The following RNF2 variants were observed in gnomAD, a reference collection of about 807,000 sequenced individuals.
RNF2 encodes the protein E3 ubiquitin-protein ligase RING2.
RNF2 carries 6 observed loss-of-function variants against 37.2 expected under a neutral mutation model. That is an observed-to-expected ratio of 0.16 (90% CI 0.09 to 0.32). The LOEUF is 0.32. RNF2 is among the 10% of genes least tolerant of loss of function. RNF2 has a pLI of 1.00. For missense variants in RNF2, 251 were observed against 404.0 expected, an observed-to-expected ratio of 0.62 and a Z score of 3.25; for synonymous variants, 133 against 132.7, an observed-to-expected ratio of 1.00 and a Z score of -0.02.
At chr1:185,074,879 A>C (rs2102177285) in intron 1 of RNF2, among the ~76,000 whole-genome samples, 1 of 152,304 alleles carries the variant, frequency 6.6e-6, no homozygotes, top group Middle Eastern at 3.4e-3. Flanking sequence ...TTTTTATATA[A>C]GGGACTTGAG....
rs1651641197 is a variant in RNF2, at chr1:185,087,626, C to A, written c.73C>A (p.Gln25Lys). Reference protein sequence around the residue: ...KTWELSLYELQRTPQEAITDG... With the variant: ...KTWELSLYELKRTPQEAITDG... ...ATGGGAACTCAGTTTATATGAGTTA[C>A]AACGAACACCTCAGGTAATGACTAA... The change falls in exon 2 of 7, where the codon CAA becomes AAA. Residue 25 changes from glutamine (Q) to lysine (K), a missense_variant. Gln to Lys is a moderately conservative substitution (Grantham distance 53). Transcript: ENST00000367510. The A allele has an allele frequency of 6.2e-7, 1 of 1,613,642 alleles. No homozygotes were observed. The highest frequency in any genetic ancestry group is 8.5e-7 in the Non-Finnish European group (1 of 1,179,584).
chr1:185,079,664 TC>T, intron 1 of RNF2, among the ~76,000 whole-genome samples: 1 of 152,278 alleles, frequency 6.6e-6, no homozygotes, highest in East Asian at 1.9e-4. Flanking sequence ...TTGTGGTGGC[TC>T]ACGCCTGTAA....
At chr1:185,072,750 C>T (rs142812039) in intron 1 of RNF2, among the ~76,000 whole-genome samples, 460 of 152,174 alleles carry the variant, frequency 3.0e-3, no homozygotes, top group Admixed American at 5.6e-3. Flanking sequence ...ACCATCCTGG[C>T]TAACACAGTG....
chr1:185,074,690 T>C (rs55756628), intron 1 of RNF2, among the ~76,000 whole-genome samples: 1,558 of 151,984 alleles, frequency 0.01, 27 homozygotes, highest in African/African-American at 0.035. Context: ...GGAAAAAAAA[T>C]GGTATGGTTG....
At chr1:185,095,079 A>G (rs1444351404) in intron 4 of RNF2, among the ~76,000 whole-genome samples, 1 of 152,248 alleles carries the variant, frequency 6.6e-6, no homozygotes, top group African/African-American at 2.4e-5. Context: ...CCATTCTAAC[A>G]GTATTAAACT....
chr1:185,096,392 A>G (rs945241477), intron 4 of RNF2, among the ~76,000 whole-genome samples: 3 of 152,126 alleles, frequency 2.0e-5, no homozygotes, highest in Non-Finnish European at 4.4e-5. Flanking sequence ...CAGCCAATCT[A>G]CAGAACTCTT....
intron 2 of RNF2, among the ~76,000 whole-genome samples, chr1:185,090,227 G>T (rs574402463): frequency 1.3e-5 from 2 of 152,122 alleles, no homozygotes; most frequent in Admixed American, 1.3e-4. Context: ...GCCGAGGCTG[G>T]TGAAATTTTT....
At chr1:185,089,027 A>T (rs1651686701) in intron 2 of RNF2, among the ~76,000 whole-genome samples, 1 of 114,194 alleles carries the variant, frequency 8.8e-6, no homozygotes, top group Non-Finnish European at 1.6e-5. Context: ...AGTTTCATGG[A>T]TGATAGTGTT....
chr1:185,075,912 A>G (rs975339810), intron 1 of RNF2, among the ~76,000 whole-genome samples: 2 of 152,238 alleles, frequency 1.3e-5, no homozygotes, highest in Non-Finnish European at 2.9e-5. Context: ...TAGAGCCTAT[A>G]TAGAACGCAT....
intron 1 of RNF2, among the ~76,000 whole-genome samples, chr1:185,053,991 A>G (rs1442466798): frequency 1.3e-5 from 2 of 152,242 alleles, no homozygotes; most frequent in East Asian, 3.9e-4. Flanking sequence ...CTGTTAATCT[A>G]CATTCCCCCC....
At chr1:185,076,651 G>T (rs1265323013) in intron 1 of RNF2, among the ~76,000 whole-genome samples, 1 of 150,788 alleles carries the variant, frequency 6.6e-6, no homozygotes, top group African/African-American at 2.4e-5. Flanking sequence ...ATTTGTTTAG[G>T]TATCTGATTT....
chr1:185,090,157 T>A (rs1009496893), intron 2 of RNF2, among the ~76,000 whole-genome samples: 2 of 152,084 alleles, frequency 1.3e-5, no homozygotes, highest in African/African-American at 2.4e-5. Context: ...TCTGACCTTG[T>A]GATCCACCCG....
chr1:185,059,228 T>A lies in RNF2; in HGVS notation c.-3+13579T>A, dbSNP rs202160812. Among the ~76,000 whole-genome samples, 854 of 147,320 alleles carry A rather than the reference T, an allele frequency of 5.8e-3. 31 individuals carry two copies. The East Asian group carries it at 0.086, about 15-fold the overall frequency. ...AAGTCTCCTGAATCCCAGTCTGGAT[T>A]AAAAAAAAAAAACCTCCGTAATAGT... On this transcript the variant is annotated intron_variant, in intron 1 of 6. Coordinates refer to ENST00000367510, the MANE Select transcript of RNF2 (RefSeq NM_007212.4).
chr1:185,053,770 A>C (rs1188446037), intron 1 of RNF2, among the ~76,000 whole-genome samples: 2 of 152,212 alleles, frequency 1.3e-5, no homozygotes, highest in African/African-American at 4.8e-5. Flanking sequence ...CTCTCAATAA[A>C]TATCTAAAAG....
At chr1:185,054,753 A>G (rs1650382026) in intron 1 of RNF2, among the ~76,000 whole-genome samples, 1 of 152,124 alleles carries the variant, frequency 6.6e-6, no homozygotes, top group Non-Finnish European at 1.5e-5. Flanking sequence ...GTTGGAGTGC[A>G]GTGGCGCGAT....
rs78275311 is a variant in RNF2, at chr1:185,095,517, C to G, written c.464+2241C>G. Among the ~76,000 whole-genome samples the G allele has an allele frequency of 5.5e-3, 834 of 152,228 alleles. 32 individuals are homozygous for G. In the East Asian group the frequency reaches 0.085, roughly 15 times the overall value. ...TACCCTCCCTGCCTCATTTTTTTCC[C>G]ATAGCACGTATCACTCTCTCATGTG... On this transcript the variant is annotated intron_variant, in intron 4 of 6. Transcript: ENST00000367510.
intron 1 of RNF2, among the ~76,000 whole-genome samples, chr1:185,082,391 C>G (rs1651451287): frequency 9.5e-6 from 1 of 105,258 alleles, no homozygotes; most frequent in Non-Finnish European, 2.0e-5. Context: ...TGCTCTGTTA[C>G]CCAGGCTGGA....
At chr1:185,087,506 T>G in intron 1 of RNF2, 46 bp from the exon 2 acceptor site, 1 of 1,516,062 alleles carries the variant, frequency 6.6e-7, no homozygotes, top group Non-Finnish European at 9.2e-7. Flanking sequence ...CCATAGCACT[T>G]CCCTTCCAAA....
chr1:185,046,775 A>G (rs1557956229), intron 1 of RNF2, among the ~76,000 whole-genome samples: 1 of 152,252 alleles, frequency 6.6e-6, no homozygotes, highest in South Asian at 2.1e-4. Context: ...AAACGAATGT[A>G]CGAGCGATTT....
Sources: allele counts gnomAD v4.1 joint callset (sites outside exome capture counted in the v4.1 genomes callset), GRCh38; gene constraint gnomAD v4.1.1; transcripts MANE v1.5; gene names NCBI Gene and HGNC (gene_info 2026-07-23, HGNC 2026-07-21).